Variants in ANAPC1 observed in about 807,000 individuals in gnomAD.
ANAPC1 encodes the protein anaphase-promoting complex subunit 1.
A neutral mutation model predicts 208.0 loss-of-function variants in ANAPC1; 36 were observed. That is an observed-to-expected ratio of 0.17 (90% CI 0.13 to 0.23). The LOEUF is 0.23. Ranked by LOEUF, ANAPC1 falls within the 10% of genes least tolerant of loss-of-function variation. ANAPC1 has a pLI of 1.00. For synonymous variants in ANAPC1, 378 were observed against 695.2 expected, an observed-to-expected ratio of 0.54 and a Z score of 7.18; for missense variants, 942 against 2,011.6, an observed-to-expected ratio of 0.47 and a Z score of 10.17.
At chr2:111,799,508 C>A (rs1376996680) in intron 34 of ANAPC1, among the ~76,000 whole-genome samples, 14 of 151,426 alleles carry the variant, frequency 9.2e-5, no homozygotes, top group Non-Finnish European at 1.5e-4. Context: ...AATCCAAAAT[C>A]CAAAATGCTC....
Position 111,843,335 on chromosome 2 carries a change from C to G in ANAPC1, c.2040+77G>C, listed in dbSNP as rs189857059. 3.2e-4 allele frequency: 468 copies of G among 1,452,960 alleles called. 2 individuals are homozygous for G. The highest frequency in any genetic ancestry group is 2.2e-3 in the Middle Eastern group (9 of 4,156). 90.0% of individuals were successfully genotyped at this position (1,452,960 alleles called of 1,614,324 possible). ...GAATATGGTACGCCTATTATGTAGT[C>G]TCAATGTTATATTACCAATTATGCA... On this transcript the variant is annotated intron_variant, in intron 17 of 47. Transcript: ENST00000341068.
chr2:111,841,000 G>A (rs9710727), intron 17 of ANAPC1, among the ~76,000 whole-genome samples: 88,434 of 152,028 alleles, frequency 0.58, 26,649 homozygotes, highest in South Asian at 0.69. Flanking sequence ...CCAGGATAGC[G>A]CCACTGCATT....
intron 13 of ANAPC1, among the ~76,000 whole-genome samples, chr2:111,851,565 G>T (rs547711090): frequency 2.0e-5 from 3 of 151,976 alleles, no homozygotes; most frequent in Non-Finnish European, 4.4e-5. Context: ...CTAACACTTT[G>T]GGAGGCCGAG....
At chr2:111,883,018 T>C (rs1558752072) in intron 1 of ANAPC1, among the ~76,000 whole-genome samples, 1 of 150,186 alleles carries the variant, frequency 6.7e-6, no homozygotes, top group Non-Finnish European at 1.5e-5. Context: ...ATACAAAAAT[T>C]AGCCAGACAG....
intron 22 of ANAPC1, 117 bp downstream of exon 22, chr2:111,825,660 T>G (rs1679793557): frequency 1.0e-6 from 1 of 971,480 alleles, no homozygotes; most frequent in Admixed American, 2.3e-5. Context: ...ACCAGAACAG[T>G]ACTAAAAAGG....
chr2:111,839,027 G>A (rs956984195), intron 17 of ANAPC1, among the ~76,000 whole-genome samples: 11 of 151,964 alleles, frequency 7.2e-5, no homozygotes, highest in Admixed American at 4.6e-4. Context: ...ACATACATAC[G>A]TCTGCCTCCT....
intron 17 of ANAPC1, among the ~76,000 whole-genome samples, chr2:111,842,063 A>G (rs1680793665): frequency 6.6e-6 from 1 of 152,220 alleles, no homozygotes; most frequent in Non-Finnish European, 1.5e-5. Flanking sequence ...ATGTGGTTAA[A>G]GAGTCGTGAA....
chr2:111,766,802 C>T, downstream of ANAPC1: 1 of 376,986 alleles, frequency 2.7e-6, no homozygotes, highest in Non-Finnish European at 5.4e-6. Context: ...AGATGAAAGA[C>T]CCCCACCTTA....
At chr2:111,879,469 T>A (rs1297522970) in intron 2 of ANAPC1, among the ~76,000 whole-genome samples, 1 of 152,150 alleles carries the variant, frequency 6.6e-6, no homozygotes, top group Non-Finnish European at 1.5e-5. Context: ...TGTAACTACA[T>A]AGGCTTTCCC....
chr2:111,838,223 A>G (rs1384833749), intron 18 of ANAPC1, among the ~76,000 whole-genome samples: 3 of 152,224 alleles, frequency 2.0e-5, no homozygotes, highest in Non-Finnish European at 4.4e-5. Context: ...AACTGAAATC[A>G]TGCAGTAATA....
rs1677035925 is a variant in ANAPC1, at chr2:111,777,162, G to A, written c.5386-105C>T. 8.2e-5 allele frequency: 51 copies of A among 621,294 alleles called. No individual in the cohort carries two copies. The South Asian group carries it at 9.3e-4, about 11-fold the overall frequency. The allele number at this position is 621,294 out of a possible 1,614,324, so 38.5% of individuals were successfully genotyped here. A position where few individuals can be genotyped will look rare whatever the true frequency, so the allele number is the denominator to read the frequency against. On this transcript the variant is annotated intron_variant, in intron 45 of 47. Coordinates refer to ENST00000341068, the MANE Select transcript of ANAPC1 (RefSeq NM_022662.4). ...TTTAAATGTGGCTCCGAATTATAAA[G>A]GGTCGGGGGGTGGTCCATTCTGTGT...
chr2:111,810,882 CAAAAAAAAAAAAAA>C (rs1162540899), intron 28 of ANAPC1, among the ~76,000 whole-genome samples: 1 of 71,812 alleles, frequency 1.4e-5, no homozygotes, highest in Non-Finnish European at 2.5e-5. Flanking sequence ...GACTCCACAT[CAAAAAAAAAAAAAA>C]AAAAAAAAAG....
intron 45 of ANAPC1, among the ~76,000 whole-genome samples, chr2:111,777,889 G>C (rs1378182989): frequency 6.6e-6 from 1 of 152,116 alleles, no homozygotes; most frequent in Admixed American, 6.6e-5. Flanking sequence ...GCTCAGCTGT[G>C]AACTTACTAT....
chr2:111,812,893 A>G (rs1393932718), intron 28 of ANAPC1, among the ~76,000 whole-genome samples: 3 of 117,272 alleles, frequency 2.6e-5, no homozygotes, highest in African/African-American at 9.8e-5. Context: ...ACCGGCTGTT[A>G]TCAGTGTGGG....
At chr2:111,851,025 C>G in intron 13 of ANAPC1, 115 bp from the exon 14 acceptor site, 1 of 1,246,160 alleles carries the variant, frequency 8.0e-7, no homozygotes, top group Middle Eastern at 2.9e-4. Flanking sequence ...TAAGTTTATA[C>G]TCACCAAACA....
chr2:111,826,349 T>C (rs1382934575), intron 21 of ANAPC1, among the ~76,000 whole-genome samples: 9 of 152,262 alleles, frequency 5.9e-5, no homozygotes, highest in Non-Finnish European at 1.3e-4. Context: ...TTGTTCCTTT[T>C]GTAGTCAATC....
At chr2:111,880,048 C>T (rs1464309655) in intron 2 of ANAPC1, among the ~76,000 whole-genome samples, 3 of 152,094 alleles carry the variant, frequency 2.0e-5, no homozygotes, top group African/African-American at 7.2e-5. Context: ...AAATGGACAA[C>T]AATCATACTA....
In ANAPC1 at chr2:111,825,765, G is replaced by T. The variant is rs774502080; in HGVS notation, c.2704+12C>A. The stretch of plus-strand genomic sequence containing the variant: ...AAAATTTGTTTCCAGAGGCAACATT[G>T]CACCAACTTACCTATAGTTATTCTG... On this transcript the variant is annotated intron_variant, in intron 22 of 47. Transcript: ENST00000341068. 54 of 1,606,816 alleles carry T rather than the reference G, an allele frequency of 3.4e-5. No homozygotes were observed. In the South Asian group the frequency reaches 5.9e-4, roughly 18 times the overall value.
chr2:111,872,469 G>C (rs754177217), intron 6 of ANAPC1, among the ~76,000 whole-genome samples, 161 bp downstream of exon 6: 2 of 152,104 alleles, frequency 1.3e-5, no homozygotes, highest in Admixed American at 6.6e-5. Flanking sequence ...CAGATTTTTG[G>C]ATCAGGGATA....
Sources: allele counts gnomAD v4.1 joint callset (sites outside exome capture counted in the v4.1 genomes callset), GRCh38; gene constraint gnomAD v4.1.1; transcripts MANE v1.5; gene names NCBI Gene and HGNC (gene_info 2026-07-23, HGNC 2026-07-21).